Variants in LRMDA observed in about 807,000 individuals in gnomAD.
LRMDA encodes the protein leucine rich melanocyte differentiation associated.
Under a neutral mutation model 29.8 loss-of-function variants are expected in LRMDA, and 18 were observed. The observed-to-expected ratio is 0.60, with a 90% CI of 0.42 to 0.90. The LOEUF is 0.90. Among genes scored for constraint, LRMDA ranks in the 40% least tolerant of loss-of-function variants. LRMDA has a pLI of 0.00. For missense variants in LRMDA, 273 were observed against 273.9 expected, an observed-to-expected ratio of 1.00 and a Z score of 0.02; for synonymous variants, 125 against 109.4, an observed-to-expected ratio of 1.14 and a Z score of -0.89.
intron 2 of LRMDA, among the ~76,000 whole-genome samples, chr10:75,759,288 CAAATATTTTAA>C (rs1383088984): frequency 3.3e-5 from 5 of 152,122 alleles, no homozygotes; most frequent in Non-Finnish European, 7.4e-5. Flanking sequence ...ATTTTATTCT[CAAATATTTTAA>C]GAAGATAAGC....
chr10:75,446,599 A>G (rs1206512306), intron 2 of LRMDA, among the ~76,000 whole-genome samples: 1 of 152,268 alleles, frequency 6.6e-6, no homozygotes, highest in Non-Finnish European at 1.5e-5. Context: ...TCTGACTGGA[A>G]TGAGTATAAC....
In LRMDA at chr10:76,546,708, AT is replaced by A. The variant is rs1451831525; in HGVS notation, c.602-10496del. On this transcript the variant is annotated intron_variant, in intron 6 of 6. Transcript: ENST00000611255. The stretch of plus-strand genomic sequence containing the variant: ...CTTCCCTGATTGAATCCACTCATGT[AT>A]TTTTATCCTATAAAATTCTAATTTA... Among the ~76,000 whole-genome samples, 14 of 152,270 alleles carry A rather than the reference AT, an allele frequency of 9.2e-5. No homozygotes were observed. The East Asian group carries it at 9.7e-4, about 10-fold the overall frequency.
intron 5 of LRMDA, among the ~76,000 whole-genome samples, chr10:76,073,752 A>C (rs1848912483): frequency 6.6e-6 from 1 of 152,182 alleles, no homozygotes; most frequent in Non-Finnish European, 1.5e-5. Context: ...GAGGGAATGT[A>C]GGTCAAAAGG....
At chr10:75,526,717 G>A (rs1420615265) in intron 2 of LRMDA, among the ~76,000 whole-genome samples, 3 of 152,034 alleles carry the variant, frequency 2.0e-5, no homozygotes, top group East Asian at 1.9e-4. Context: ...TTAGCTGGGT[G>A]TGGTGGCACA....
At chr10:75,497,353 C>G (rs1282566800) in intron 2 of LRMDA, among the ~76,000 whole-genome samples, 1 of 152,084 alleles carries the variant, frequency 6.6e-6, no homozygotes, top group Non-Finnish European at 1.5e-5. Flanking sequence ...TCACCTCTAG[C>G]CATCCATCAA....
At chr10:76,023,478 G>A (rs891414929) in intron 2 of LRMDA, among the ~76,000 whole-genome samples, 12 of 152,156 alleles carry the variant, frequency 7.9e-5, no homozygotes, top group Admixed American at 2.6e-4. Context: ...CCAGTCTCAT[G>A]CTGAACTTTT....
intron 2 of LRMDA, among the ~76,000 whole-genome samples, chr10:75,620,757 G>A (rs1401772454): frequency 6.6e-6 from 1 of 152,118 alleles, no homozygotes. Flanking sequence ...ATAATGGCAG[G>A]GTGGGTATTA....
chr10:76,135,389 G>T (rs11001625), intron 5 of LRMDA, among the ~76,000 whole-genome samples: 22,748 of 152,258 alleles, frequency 0.15, 2,025 homozygotes, highest in Admixed American at 0.22. Context: ...GCACCACAAT[G>T]AATGGAGTTT....
chr10:75,672,046 G>A (rs1448974242), intron 2 of LRMDA, among the ~76,000 whole-genome samples: 1 of 152,174 alleles, frequency 6.6e-6, no homozygotes, highest in Non-Finnish European at 1.5e-5. Flanking sequence ...TTGGGGCACA[G>A]ACCCCTTATT....
intron 5 of LRMDA, among the ~76,000 whole-genome samples, chr10:76,237,237 T>C (rs1852168841): frequency 6.6e-6 from 1 of 152,164 alleles, no homozygotes; most frequent in East Asian, 1.9e-4. Flanking sequence ...CCATAAACAT[T>C]ACTGAAAATA....
intron 2 of LRMDA, among the ~76,000 whole-genome samples, chr10:75,614,393 C>G (rs1841073303): frequency 6.6e-6 from 1 of 152,170 alleles, no homozygotes; most frequent in Admixed American, 6.5e-5. Context: ...CTCCTCCAGC[C>G]CATTGTCATT....
intron 2 of LRMDA, among the ~76,000 whole-genome samples, chr10:75,737,565 G>A (rs1489774186): frequency 6.6e-6 from 1 of 152,158 alleles, no homozygotes; most frequent in African/African-American, 2.4e-5. Context: ...TCCTAATCCT[G>A]TTTTGTTTTG....
At chr10:76,336,994 C>T (rs1840977380) in intron 6 of LRMDA, among the ~76,000 whole-genome samples, 1 of 151,942 alleles carries the variant, frequency 6.6e-6, no homozygotes, top group Admixed American at 6.6e-5. Flanking sequence ...ACTTTTATTT[C>T]ATATAATGTT....
intron 2 of LRMDA, among the ~76,000 whole-genome samples, chr10:75,984,039 G>A (rs1361517083): frequency 1.3e-5 from 2 of 152,254 alleles, no homozygotes; most frequent in Middle Eastern, 3.4e-3. Context: ...GCAGCTCTAG[G>A]GCAGGGGGAG....
At chr10:75,488,431 C>T (rs1000693307) in intron 2 of LRMDA, among the ~76,000 whole-genome samples, 5 of 152,176 alleles carry the variant, frequency 3.3e-5, no homozygotes, top group African/African-American at 1.2e-4. Flanking sequence ...ATCTTTTGCA[C>T]TGACAGGTGT....
chr10:76,005,568 G>A (rs529634181), intron 2 of LRMDA, among the ~76,000 whole-genome samples: 80 of 152,178 alleles, frequency 5.3e-4, no homozygotes, highest in African/African-American at 1.9e-3. Flanking sequence ...AGCTATGATT[G>A]TGCCACTGCA....
intron 2 of LRMDA, among the ~76,000 whole-genome samples, chr10:75,687,544 G>A (rs1842097789): frequency 6.6e-6 from 1 of 152,212 alleles, no homozygotes; most frequent in South Asian, 2.1e-4. Context: ...GAGGTTTAAG[G>A]AAAGAAGCCA....
chr10:76,027,825 T>G (rs997373032), intron 2 of LRMDA, among the ~76,000 whole-genome samples: 1 of 152,228 alleles, frequency 6.6e-6, no homozygotes, highest in Non-Finnish European at 1.5e-5. Flanking sequence ...CTTAAATGTA[T>G]AGCATGAAAA....
Position 76,370,391 on chromosome 10 carries a change from A to C in LRMDA, c.601+45906A>C, listed in dbSNP as rs375919226. Among the ~76,000 whole-genome samples, 36 of 152,256 alleles carry C rather than the reference A, an allele frequency of 2.4e-4. 1 individual carries two copies. The East Asian group carries it at 6.4e-3, about 27-fold the overall frequency. ...TTCAAAGCTGATGTTGCTATCTACA[A>C]ACCTTACCTAACAGCTATAATTATT... On this transcript the variant is annotated intron_variant, in intron 6 of 6. Transcript: ENST00000611255.
Sources: allele counts gnomAD v4.1 joint callset (sites outside exome capture counted in the v4.1 genomes callset), GRCh38; gene constraint gnomAD v4.1.1; transcripts MANE v1.5; gene names NCBI Gene and HGNC (gene_info 2026-07-23, HGNC 2026-07-21).